The following ROBO1 variants were observed in gnomAD, a reference collection of about 807,000 sequenced individuals.
The protein encoded by ROBO1 is roundabout guidance receptor 1, also known as roundabout homolog 1.
A neutral mutation model predicts 195.9 loss-of-function variants in ROBO1; 149 were observed. The observed-to-expected ratio is 0.76, with a 90% CI of 0.67 to 0.87. ROBO1 has a LOEUF of 0.87. Among genes scored for constraint, ROBO1 ranks in the 40% least tolerant of loss-of-function variants. The pLI is 0.00. For synonymous variants in ROBO1, 816 were observed against 733.2 expected (o/e 1.11, Z -1.82); for missense variants, 1,933 against 2,068.3 (o/e 0.93, Z 1.27).
chr3:79,614,410 G>T (rs1944756664), intron 1 of ROBO1, among the ~76,000 whole-genome samples: 1 of 151,976 alleles, frequency 6.6e-6, no homozygotes, highest in Admixed American at 6.6e-5. Flanking sequence ...AAAATATGTT[G>T]AACTAAATGG....
chr3:78,871,422 A>C (rs2035536401), intron 4 of ROBO1, among the ~76,000 whole-genome samples: 1 of 152,124 alleles, frequency 6.6e-6, no homozygotes, highest in South Asian at 2.1e-4. Flanking sequence ...AATTCCTTTT[A>C]AGGGATGAAA....
At chr3:79,316,861 T>C (rs1225487569) in intron 2 of ROBO1, among the ~76,000 whole-genome samples, 1 of 152,120 alleles carries the variant, frequency 6.6e-6, no homozygotes, top group African/African-American at 2.4e-5. Flanking sequence ...AGCTGTCCTC[T>C]AGATCATAGA....
At chr3:79,008,617 A>T (rs2077685528) in intron 3 of ROBO1, among the ~76,000 whole-genome samples, 1 of 151,554 alleles carries the variant, frequency 6.6e-6, no homozygotes, top group African/African-American at 2.4e-5. Context: ...TTTGACAGAC[A>T]GTATGCCACT....
chr3:78,631,457 T>C (rs546555282), intron 24 of ROBO1, among the ~76,000 whole-genome samples, 152 bp from the exon 25 acceptor site: 1 of 152,314 alleles, frequency 6.6e-6, no homozygotes, highest in South Asian at 2.1e-4. Flanking sequence ...AACAGAACTT[T>C]GTACAAGAGA....
At chr3:79,526,744 G>C (rs577226655) in intron 2 of ROBO1, among the ~76,000 whole-genome samples, 1 of 152,096 alleles carries the variant, frequency 6.6e-6, no homozygotes, top group Non-Finnish European at 1.5e-5. Flanking sequence ...TAGCTTTTTC[G>C]ACTTTTAAGG....
chr3:79,257,515 T>G (rs992362202), intron 2 of ROBO1, among the ~76,000 whole-genome samples: 21 of 152,120 alleles, frequency 1.4e-4, no homozygotes, highest in African/African-American at 4.6e-4. Flanking sequence ...CATGGAAGTC[T>G]CTCCATGTTT....
rs369407395 is a variant in ROBO1 at position 79,757,503 on chromosome 3, C to CCATATATATATA, written c.-51+10248_-51+10249insTATATATATATG. ...TTTCTTTCTTTCTCTCTCTCTCTCT[C>CCATATATATATA]TCTCTCCATATATATATATGCCATC... On this transcript the variant is annotated intron_variant, in intron 1 of 30. Transcript: ENST00000464233. 4.7e-4 allele frequency among the ~76,000 whole-genome samples: 68 copies of CCATATATATATA among 145,334 alleles called. 1 individual carries two copies. Among genetic ancestry groups the CCATATATATATA allele is most frequent in the African/African-American group, 1.8e-3 (66 of 36,062 alleles).
At chr3:79,211,739 TG>T (rs201379445) in intron 2 of ROBO1, among the ~76,000 whole-genome samples, 3,306 of 152,322 alleles carry the variant, frequency 0.022, 112 homozygotes, top group African/African-American at 0.073. Flanking sequence ...TGTTTGGTTC[TG>T]GATCAGAACA....
At chr3:79,107,952 T>G (rs978373388) in intron 3 of ROBO1, among the ~76,000 whole-genome samples, 2 of 151,764 alleles carry the variant, frequency 1.3e-5, no homozygotes, top group Non-Finnish European at 3.0e-5. Flanking sequence ...GTATAAGCAA[T>G]GTAACTTATT....
intron 2 of ROBO1, among the ~76,000 whole-genome samples, chr3:79,402,477 T>A (rs534625360): frequency 6.6e-5 from 10 of 152,064 alleles, no homozygotes; most frequent in African/African-American, 2.4e-4. Flanking sequence ...TAAAGAGGCA[T>A]TTTGAGGGGA....
intron 3 of ROBO1, among the ~76,000 whole-genome samples, chr3:79,000,964 C>A (rs2077487758): frequency 6.6e-6 from 1 of 152,092 alleles, no homozygotes; most frequent in African/African-American, 2.4e-5. Flanking sequence ...AGTACATGTC[C>A]TTTGCAGGGA....
At chr3:79,283,715 T>G (rs1017350668) in intron 2 of ROBO1, among the ~76,000 whole-genome samples, 1 of 150,756 alleles carries the variant, frequency 6.6e-6, no homozygotes, top group Non-Finnish European at 1.5e-5. Context: ...TTTTTTTTTT[T>G]GAGACGGAGT....
At chr3:78,929,483 T>C (rs1345050430) in intron 4 of ROBO1, among the ~76,000 whole-genome samples, 4 of 64,866 alleles carry the variant, frequency 6.2e-5, no homozygotes, top group Admixed American at 1.2e-4. Context: ...CAGTATCATT[T>C]ATTTATTTAT....
At chr3:78,627,615 A>G in intron 25 of ROBO1, 46 bp from the exon 26 acceptor site, 1 of 1,540,622 alleles carries the variant, frequency 6.5e-7, no homozygotes, top group South Asian at 1.3e-5. Flanking sequence ...AGGTTATTCA[A>G]ATAAACTATT....
At position 78,670,258 on chromosome 3, in the gene ROBO1, C is replaced by T; in HGVS notation, c.1386G>A (p.Val462=). ...TGCCATCCACGGCTACAGTCTGATTCACAGGACCTTGTCGAATAACTGGGG... is the reference window on the plus strand; with the variant it reads ...TGCCATCCACGGCTACAGTCTGATTTACAGGACCTTGTCGAATAACTGGGG... ...RPPPVIRQGP[V]NQTVAVDGTF... is the part of the protein sequence containing the mutation. Residue 462 remains valine, a synonymous_variant, in exon 11 of 31, where the codon GTG becomes GTA. Coordinates refer to ENST00000464233, the MANE Select transcript of ROBO1 (RefSeq NM_002941.4). 6.3e-7 allele frequency: 1 copy of T among 1,587,452 alleles called. No homozygotes were observed. The highest frequency in any genetic ancestry group is 1.3e-5 in the African/African-American group (1 of 74,594).
chr3:79,087,243 A>G (rs1415759822), intron 3 of ROBO1, among the ~76,000 whole-genome samples: 2 of 152,244 alleles, frequency 1.3e-5, no homozygotes, highest in Non-Finnish European at 2.9e-5. Context: ...ATTTTCCTTA[A>G]TTTTAAGCAT....
intron 5 of ROBO1, among the ~76,000 whole-genome samples, chr3:78,740,379 T>G (rs1312141580): frequency 1.3e-5 from 2 of 151,498 alleles, no homozygotes; most frequent in African/African-American, 2.4e-5. Flanking sequence ...AAAATAAAAT[T>G]TAAATAAATT....
At chr3:78,764,000 G>A (rs1304129821) in intron 4 of ROBO1, among the ~76,000 whole-genome samples, 4 of 152,150 alleles carry the variant, frequency 2.6e-5, no homozygotes, top group Non-Finnish European at 5.9e-5. Context: ...GTTAGATGGA[G>A]GGCTGCAAAT....
At chr3:79,295,535 G>A (rs1415221676) in intron 2 of ROBO1, among the ~76,000 whole-genome samples, 4 of 152,036 alleles carry the variant, frequency 2.6e-5, no homozygotes, top group Admixed American at 1.3e-4. Flanking sequence ...ACTATGGCAC[G>A]TGTATACCTA....
Sources: gnomAD v4.1 joint callset for allele counts (sites outside exome capture counted in the v4.1 genomes callset) on GRCh38, gnomAD v4.1.1 for gene constraint, MANE v1.5 for transcripts, NCBI Gene and HGNC (gene_info 2026-07-23, HGNC 2026-07-21) for gene names.